TESPA1: variants seen among roughly 807,000 people sequenced by gnomAD.
TESPA1 encodes thymocyte expressed, positive selection associated 1.
A neutral mutation model predicts 57.9 loss-of-function variants in TESPA1; 33 were observed. The observed-to-expected ratio is 0.57, with a 90% CI of 0.43 to 0.76. TESPA1 has a LOEUF of 0.76. Among genes scored for constraint, TESPA1 ranks in the 30% least tolerant of loss-of-function variants. The pLI is 0.00. For synonymous variants in TESPA1, 227 were observed against 228.9 expected (o/e 0.99, Z 0.07); for missense variants, 618 against 632.9 (o/e 0.98, Z 0.25).
chr12:54,966,151 C>T lies in TESPA1; in HGVS notation c.348G>A (p.Arg116=), dbSNP rs1000978986. 1.3e-6 allele frequency: 2 copies of T among 1,567,130 alleles called. No individual in the cohort carries two copies. The highest frequency in any genetic ancestry group is 1.7e-6 in the Non-Finnish European group (2 of 1,155,244). The change falls in exon 7 of 11, where the codon AGG becomes AGA. Residue 116 remains arginine, a splice_region_variant and synonymous_variant. Transcript: ENST00000449076. ...LLAANGKLFS[R]SFLETARPCQ... is the part of the protein sequence containing the mutation. ...AAGGCCTGGCTGTCTCGAGGAAACT[C>T]CTGCAGAGATCAAAGCTGATGTCAT...
At chr12:54,971,648 C>T (rs951654443) in intron 3 of TESPA1, among the ~76,000 whole-genome samples, 2 of 152,100 alleles carry the variant, frequency 1.3e-5, no homozygotes, top group Non-Finnish European at 2.9e-5. Flanking sequence ...ACCCTTGCAC[C>T]AGTCACTCTA....
chr12:54,973,841 A>G, intron 2 of TESPA1: 1 of 1,115,588 alleles, frequency 9.0e-7, no homozygotes, highest in Non-Finnish European at 1.1e-6. Context: ...AAAAAGAAAG[A>G]CAATCTTGTT....
intron 9 of TESPA1, 50 bp from the exon 10 acceptor site, chr12:54,961,317 G>A: frequency 6.2e-7 from 1 of 1,605,104 alleles, no homozygotes; most frequent in Non-Finnish European, 8.5e-7. Context: ...GGGAAAGGGG[G>A]TAAGGAAAGG....
chr12:54,967,100 GT>G, intron 5 of TESPA1, 82 bp downstream of exon 5: 4 of 1,505,816 alleles, frequency 2.7e-6, no homozygotes, highest in Non-Finnish European at 3.6e-6. Context: ...TCTTTCTGAA[GT>G]TTTGCACTTC....
intron 1 of TESPA1, among the ~76,000 whole-genome samples, chr12:54,983,333 A>G (rs1403662092): frequency 6.6e-6 from 1 of 152,128 alleles, no homozygotes; most frequent in Non-Finnish European, 1.5e-5. Context: ...CCCTTCTGCT[A>G]TATCTTCAGC....
At chr12:54,951,855 T>G (rs1336547606) in intron 10 of TESPA1, among the ~76,000 whole-genome samples, 1 of 152,032 alleles carries the variant, frequency 6.6e-6, no homozygotes, top group East Asian at 1.9e-4. Flanking sequence ...AGTTGTTTTT[T>G]TTTTTTTACT....
At position 54,957,132 on chromosome 12, in the gene TESPA1, G is replaced by T. The variant is rs74092412; in HGVS notation, c.*1+4036C>A. Among the ~76,000 whole-genome samples the T allele has an allele frequency of 5.7e-3, 871 of 152,226 alleles. 14 individuals carry two copies. The highest frequency in any genetic ancestry group is 0.02 in the African/African-American group (830 of 41,528). On this transcript the variant is annotated intron_variant, in intron 10 of 10. Coordinates refer to ENST00000449076, the MANE Select transcript of TESPA1 (RefSeq NM_001136030.3). Reference sequence around the variant, plus strand: ...AATGAATTAGAAAAAAATGGAGCTCGCTCTTAGAAGATGAAAGCCCTAGAG... The same window carrying T: ...AATGAATTAGAAAAAAATGGAGCTCTCTCTTAGAAGATGAAAGCCCTAGAG...
At chr12:54,961,034 A>C (rs1267496113) in intron 10 of TESPA1, 134 bp downstream of exon 10, 9 of 999,916 alleles carry the variant, frequency 9.0e-6, no homozygotes, top group Non-Finnish European at 1.4e-5. Flanking sequence ...TAAAATAATT[A>C]GTCATTGGTT....
rs1274193054 is a variant in TESPA1, at chr12:54,950,199, C to T, written c.*193G>A. ...TTGTGGCAGCATTAGGATGTGGATTCCAAATCGCTCAGTCTGGTCTTCCTC... is the reference window on the plus strand; with the variant it reads ...TTGTGGCAGCATTAGGATGTGGATTTCAAATCGCTCAGTCTGGTCTTCCTC... On this transcript the variant is annotated 3_prime_UTR_variant, in exon 11 of 11. Coordinates refer to ENST00000449076, the MANE Select transcript of TESPA1 (RefSeq NM_001136030.3). 1 of 449,390 alleles carries T rather than the reference C, an allele frequency of 2.2e-6. No homozygotes were observed. The highest frequency in any genetic ancestry group is 2.4e-5 in the Admixed American group (1 of 41,870). 27.8% of individuals were successfully genotyped at this position (449,390 alleles called of 1,614,324 possible). A position where few individuals can be genotyped will look rare whatever the true frequency, so the allele number is the denominator to read the frequency against.
At chr12:54,971,858 T>A (rs1018625435) in intron 3 of TESPA1, among the ~76,000 whole-genome samples, 1 of 152,208 alleles carries the variant, frequency 6.6e-6, no homozygotes, top group Admixed American at 6.5e-5. Flanking sequence ...TTTTTTCTGA[T>A]AAATAAACAG....
At position 54,962,659 on chromosome 12, in the gene TESPA1, C is replaced by T; in HGVS notation, c.1239G>A (p.Leu413=). The T allele has an allele frequency of 6.2e-7, 1 of 1,613,970 alleles. No homozygotes were observed. The highest frequency in any genetic ancestry group is 8.5e-7 in the Non-Finnish European group (1 of 1,179,892). Residue 413 remains leucine (L), a synonymous_variant, in exon 9 of 11, where the codon CTG becomes CTA. Coordinates refer to ENST00000449076, the MANE Select transcript of TESPA1 (RefSeq NM_001136030.3). The stretch of plus-strand genomic sequence containing the variant: ...CCGTATTGGTGGCTGGTAGACTACA[C>T]AGCTCTCTCCTTATCTGAGCTGGGT... ...STDPAQIRRE[L]CSLPATNTET...
intron 1 of TESPA1, among the ~76,000 whole-genome samples, chr12:54,980,408 G>A (rs1383240483): frequency 6.6e-6 from 1 of 152,208 alleles, no homozygotes; most frequent in Non-Finnish European, 1.5e-5. Context: ...CTTCTAGTTG[G>A]GAGGAGAGAA....
intron 6 of TESPA1, 99 bp downstream of exon 6, chr12:54,966,289 A>C (rs1289582829): frequency 1.9e-6 from 3 of 1,585,968 alleles, no homozygotes; most frequent in African/African-American, 1.3e-5. Flanking sequence ...TCACTCTCTA[A>C]TGTGAATCTT....
upstream of TESPA1, among the ~76,000 whole-genome samples, chr12:54,985,027 G>A (rs1483859146): frequency 1.3e-5 from 2 of 152,168 alleles, no homozygotes; most frequent in Non-Finnish European, 2.9e-5. Context: ...GAATTCCACT[G>A]CTGCAGATAA....
chr12:54,961,502 G>A (rs1018783845), intron 9 of TESPA1, among the ~76,000 whole-genome samples: 7 of 152,146 alleles, frequency 4.6e-5, no homozygotes. Flanking sequence ...TTCTTTTTGT[G>A]GCAAGGATTT....
intron 1 of TESPA1, among the ~76,000 whole-genome samples, chr12:54,974,907 A>G (rs1049667871): frequency 1.3e-5 from 2 of 152,220 alleles, no homozygotes; most frequent in African/African-American, 4.8e-5. Context: ...TTCTCAGGGT[A>G]ATCGAAATGC....
chr12:54,983,729 A>G (rs1592437271), intron 1 of TESPA1, among the ~76,000 whole-genome samples: 2 of 152,052 alleles, frequency 1.3e-5, no homozygotes, highest in East Asian at 3.9e-4. Context: ...TGGTGAGCTT[A>G]GTGGCACAGA....
rs749912863 is a variant in TESPA1, at chr12:54,967,835, A to G, written c.256+8T>C. On this transcript the variant is annotated splice_region_variant and intron_variant, in intron 4 of 10. Coordinates refer to ENST00000449076, the MANE Select transcript of TESPA1 (RefSeq NM_001136030.3). ...GAAGAAAAATAGATGGACAGAACCT[A>G]TACTCACCATTGTAGATAAACTGTC... is the stretch of plus-strand genomic sequence containing the variant. The G allele has an allele frequency of 2.5e-6, 4 of 1,613,640 alleles. No homozygotes were observed. The South Asian group carries it at 3.3e-5, about 13-fold the overall frequency.
At chr12:54,984,351 T>C (rs1442758414) in intron 1 of TESPA1, among the ~76,000 whole-genome samples, 1 of 152,100 alleles carries the variant, frequency 6.6e-6, no homozygotes, top group African/African-American at 2.4e-5. Flanking sequence ...TCTAGAAAGA[T>C]TACCTCTCTG....
Sources: gnomAD v4.1 joint callset for allele counts (sites outside exome capture counted in the v4.1 genomes callset) on GRCh38, gnomAD v4.1.1 for gene constraint, MANE v1.5 for transcripts, NCBI Gene and HGNC (gene_info 2026-07-23, HGNC 2026-07-21) for gene names.